The following SLC25A14 variants were observed in gnomAD, a reference collection of about 807,000 sequenced individuals.
SLC25A14 encodes solute carrier family 25 member 14.
A neutral mutation model predicts 28.1 loss-of-function variants in SLC25A14; 8 were observed. The ratio of observed to expected loss-of-function variants is 0.28; its 90% CI spans 0.17 to 0.51. The LOEUF (loss-of-function observed/expected upper bound fraction) is 0.51, where lower values mean the gene tolerates loss of function less well. SLC25A14 is among the 20% of genes least tolerant of loss of function. The pLI, the probability that SLC25A14 is intolerant of heterozygous loss-of-function variation, is 0.97. For missense variants in SLC25A14, 135 were observed against 263.8 expected (o/e 0.51, Z 3.38); for synonymous variants, 74 against 90.6 (o/e 0.82, Z 1.04).
chrX:130,342,520 A>G (rs1475366810), intron 2 of SLC25A14, among the ~76,000 whole-genome samples: 2 of 112,149 alleles, frequency 1.8e-5, no homozygotes, highest in Non-Finnish European at 1.9e-5. Flanking sequence ...TTTGTTGAAT[A>G]TTACCTCCAA....
At chrX:130,363,702 A>ATTTT (rs2034038819) in intron 7 of SLC25A14, among the ~76,000 whole-genome samples, 1 of 111,487 alleles carries the variant, frequency 9.0e-6, no homozygotes, top group African/African-American at 3.3e-5. Context: ...CATCCTCACC[A>ATTTT]ACACTTGCTC....
In SLC25A14 at chrX:130,345,288, G is replaced by A. The variant is rs770467514; in HGVS notation, c.169+13G>A. ...GTGGCTGAGTTTGGTAAGAATGTGA[G>A]AAATGACAAATCTGCATTATACGGT... On this transcript the variant is annotated intron_variant, in intron 3 of 10. Coordinates refer to ENST00000545805, the MANE Select transcript of SLC25A14 (RefSeq NM_001282195.2). 54 of 1,051,202 alleles carry A rather than the reference G, an allele frequency of 5.1e-5. 1 individual carries two copies. The East Asian group carries it at 1.5e-3, about 29-fold the overall frequency. 86.6% of individuals were successfully genotyped at this position (1,051,202 alleles called of 1,213,427 possible).
At chrX:130,363,312 G>T (rs996757445) in intron 7 of SLC25A14, among the ~76,000 whole-genome samples, 12 of 112,115 alleles carry the variant, frequency 1.1e-4, no homozygotes, top group Non-Finnish European at 2.3e-4. Flanking sequence ...GTAGACTTTC[G>T]TGACTGGCTT....
intron 8 of SLC25A14, chrX:130,365,096 G>GA (rs1489116626): frequency 3.7e-6 from 3 of 802,716 alleles, no homozygotes; most frequent in Non-Finnish European, 4.5e-6. Flanking sequence ...GTGGGAATCA[G>GA]AAAAAAAGGG....
At chrX:130,371,697 G>C (rs1208293887) in intron 10 of SLC25A14, 53 bp downstream of exon 10, 1 of 900,195 alleles carries the variant, frequency 1.1e-6, no homozygotes, top group African/African-American at 1.9e-5. Flanking sequence ...ATAATTCTAG[G>C]CTATGGGAAG....
intron 4 of SLC25A14, among the ~76,000 whole-genome samples, 172 bp downstream of exon 4, chrX:130,346,863 T>G (rs2033457401): frequency 9.0e-6 from 1 of 111,634 alleles, no homozygotes; most frequent in South Asian, 3.7e-4. Flanking sequence ...CTTTGGATTT[T>G]GTGTTCATTT....
chrX:130,365,422 A>G, intron 8 of SLC25A14, 119 bp from the exon 9 acceptor site: 9 of 1,057,747 alleles, frequency 8.5e-6, no homozygotes, highest in Non-Finnish European at 1.1e-5. Context: ...CGAAAGGCCA[A>G]GTGCCAGGTT....
chrX:130,357,928 AAC>A (rs1001208225), intron 6 of SLC25A14, among the ~76,000 whole-genome samples: 1 of 112,397 alleles, frequency 8.9e-6, no homozygotes, highest in African/African-American at 3.2e-5. Context: ...TATATTTTAA[AAC>A]ACATTTTTCA....
At chrX:130,363,583 C>T (rs949478551) in intron 7 of SLC25A14, among the ~76,000 whole-genome samples, 5 of 112,006 alleles carry the variant, frequency 4.5e-5, no homozygotes, top group Non-Finnish European at 9.4e-5. Context: ...ATTGCTCGCT[C>T]ATATGGTAAT....
chrX:130,344,407 T>C (rs2033361053), intron 2 of SLC25A14, among the ~76,000 whole-genome samples: 1 of 111,677 alleles, frequency 9.0e-6, no homozygotes, highest in Admixed American at 9.5e-5. Flanking sequence ...AGATTGATGA[T>C]GACAGGTCTA....
intron 2 of SLC25A14, among the ~76,000 whole-genome samples, chrX:130,343,316 T>C (rs939649863): frequency 2.6e-4 from 29 of 112,259 alleles, no homozygotes; most frequent in African/African-American, 8.7e-4. Flanking sequence ...TGTCATATTT[T>C]ACTATCAATT....
chrX:130,366,330 A>G (rs2034116667), intron 9 of SLC25A14, among the ~76,000 whole-genome samples: 1 of 112,467 alleles, frequency 8.9e-6, no homozygotes, highest in Non-Finnish European at 1.9e-5. Flanking sequence ...TGATAAACTC[A>G]AGAGTTCTCA....
At chrX:130,369,199 G>A (rs757470045) in intron 9 of SLC25A14, among the ~76,000 whole-genome samples, 6 of 111,025 alleles carry the variant, frequency 5.4e-5, no homozygotes, top group East Asian at 5.6e-4. Flanking sequence ...CGGGAGGATC[G>A]CTTGAGCCAG....
rs377260983 is a variant in SLC25A14, at chrX:130,345,263, G to A, written c.157G>A (p.Val53Met). The A allele has an allele frequency of 1.0e-5, 12 of 1,172,176 alleles. No individual in the cohort carries two copies. The highest frequency in any genetic ancestry group is 1.8e-5 in the African/African-American group (1 of 56,526). The change falls in exon 3 of 11, where the codon GTG becomes ATG. Residue 53 changes from valine (V) to methionine (M), a missense_variant. Coordinates refer to ENST00000545805, the MANE Select transcript of SLC25A14 (RefSeq NM_001282195.2). The part of the protein sequence containing the change: ...PFVYGGLASI[V>M]AEFGTFPVDL... The stretch of plus-strand genomic sequence containing the variant: ...TGTATATGGCGGCCTTGCCTCTATC[G>A]TGGCTGAGTTTGGTAAGAATGTGAG...
chrX:130,345,357 G>C lies in SLC25A14; in HGVS notation c.169+82G>C, dbSNP rs867476355. The C allele has an allele frequency of 3.2e-5, 20 of 624,284 alleles. 1 individual carries two copies. The Middle Eastern group carries it at 4.1e-3, about 129-fold the overall frequency. 51.4% of individuals were successfully genotyped at this position (624,284 alleles called of 1,213,427 possible). A position where few individuals can be genotyped will look rare whatever the true frequency, so the allele number is the denominator to read the frequency against. On this transcript the variant is annotated intron_variant, in intron 3 of 10. Transcript: ENST00000545805. Reference sequence around the variant, plus strand: ...TGATGGTTATTTTTGGTGAAAGCTAGGTAAAAAATAAGAAGCTCGCCTTAT... The same window carrying C: ...TGATGGTTATTTTTGGTGAAAGCTACGTAAAAAATAAGAAGCTCGCCTTAT...
intron 6 of SLC25A14, among the ~76,000 whole-genome samples, chrX:130,353,363 T>C (rs1192639005): frequency 8.9e-6 from 1 of 111,735 alleles, no homozygotes; most frequent in African/African-American, 3.3e-5. Context: ...CCTTATCTTG[T>C]CTTACTGTAG....
chrX:130,367,335 G>A (rs1487233036), intron 9 of SLC25A14, among the ~76,000 whole-genome samples: 3 of 111,783 alleles, frequency 2.7e-5, no homozygotes, highest in East Asian at 5.6e-4. Context: ...GAAAAGAGGT[G>A]TCAAAGATAA....
At chrX:130,346,126 C>T (rs759242615) in intron 3 of SLC25A14, among the ~76,000 whole-genome samples, 9 of 111,035 alleles carry the variant, frequency 8.1e-5, no homozygotes, top group Non-Finnish European at 1.5e-4. Context: ...GAGCAGCAAT[C>T]CCATGCTTTC....
chrX:130,354,374 A>T (rs1297518016), intron 6 of SLC25A14, among the ~76,000 whole-genome samples: 1 of 111,796 alleles, frequency 8.9e-6, no homozygotes, highest in Non-Finnish European at 1.9e-5. Flanking sequence ...TGGCCTCCCA[A>T]AGTGCTGGGA....
Sources: allele counts gnomAD v4.1 joint callset (sites outside exome capture counted in the v4.1 genomes callset), GRCh38; gene constraint gnomAD v4.1.1; transcripts MANE v1.5; gene names NCBI Gene and HGNC (gene_info 2026-07-23, HGNC 2026-07-21).